Variants in CHN2 observed in about 807,000 individuals in gnomAD.
CHN2 encodes chimerin 2, also known as beta-chimaerin.
CHN2 carries 35 observed loss-of-function variants against 56.3 expected under a neutral mutation model. The ratio of observed to expected loss-of-function variants is 0.62; its 90% CI spans 0.47 to 0.82. The LOEUF (loss-of-function observed/expected upper bound fraction) is 0.82. Ranked by LOEUF, CHN2 falls within the 40% of genes least tolerant of loss-of-function variation. CHN2 has a pLI of 0.00. For missense variants in CHN2, 491 were observed against 580.5 expected (o/e 0.85, Z 1.58); for synonymous variants, 210 against 212.8 (o/e 0.99, Z 0.12).
intron 2 of CHN2, among the ~76,000 whole-genome samples, chr7:29,355,975 G>T (rs1371780879): frequency 6.6e-6 from 1 of 151,520 alleles, no homozygotes; most frequent in Non-Finnish European, 1.5e-5. Flanking sequence ...TTAGAGATGG[G>T]TTTTGCCATG....
intron 2 of CHN2, among the ~76,000 whole-genome samples, chr7:29,185,147 T>C (rs1447402759): frequency 6.6e-6 from 1 of 152,206 alleles, no homozygotes; most frequent in Non-Finnish European, 1.5e-5. Flanking sequence ...ACATCACCTT[T>C]CAACCCCATC....
At chr7:29,225,144 A>G (rs1786090099) in intron 1 of CHN2, among the ~76,000 whole-genome samples, 2 of 152,222 alleles carry the variant, frequency 1.3e-5, no homozygotes, top group South Asian at 4.1e-4. Flanking sequence ...CAAACTCCTT[A>G]TAGATTTAAA....
exon 1 of CHN2, chr7:29,146,685 C>T (rs1792739112): frequency 6.4e-7 from 1 of 1,550,542 alleles, no homozygotes; most frequent in African/African-American, 1.4e-5. Flanking sequence ...CTGGAAGAAG[C>T]AAGCAGCCCC....
chr7:29,475,102 C>T (rs558088912), intron 6 of CHN2, among the ~76,000 whole-genome samples: 15 of 152,282 alleles, frequency 9.9e-5, no homozygotes, highest in Admixed American at 9.8e-4. Context: ...CCCTTTCCTC[C>T]TTGTCTATAT....
chr7:29,438,400 A>G (rs532302753), intron 6 of CHN2, among the ~76,000 whole-genome samples: 1 of 152,344 alleles, frequency 6.6e-6, no homozygotes, highest in East Asian at 1.9e-4. Context: ...TTTCTAGATC[A>G]CCAAATAACC....
chr7:29,316,721 ATT>A (rs5883202), intron 1 of CHN2, among the ~76,000 whole-genome samples: 2 of 150,358 alleles, frequency 1.3e-5, no homozygotes, highest in Non-Finnish European at 3.0e-5. Context: ...AAGATGTGTG[ATT>A]TTTTTTTTTC....
chr7:29,325,933 A>G (rs147631332), intron 1 of CHN2, among the ~76,000 whole-genome samples: 11 of 152,232 alleles, frequency 7.2e-5, no homozygotes, highest in African/African-American at 1.4e-4. Flanking sequence ...TTCTAAATAG[A>G]CTCTGAGACC....
At chr7:29,169,559 C>T (rs986866831) in intron 2 of CHN2, among the ~76,000 whole-genome samples, 3 of 152,138 alleles carry the variant, frequency 2.0e-5, no homozygotes, top group Non-Finnish European at 4.4e-5. Flanking sequence ...GATTAAGTAG[C>T]TGACGGTGTA....
At chr7:29,224,991 C>T (rs1296817848) in intron 1 of CHN2, among the ~76,000 whole-genome samples, 1 of 152,082 alleles carries the variant, frequency 6.6e-6, no homozygotes, top group African/African-American at 2.4e-5. Flanking sequence ...TTTATCTGGG[C>T]TTTGGAAGTA....
At chr7:29,490,845 G>A (rs1284888749) in intron 7 of CHN2, among the ~76,000 whole-genome samples, 1 of 152,064 alleles carries the variant, frequency 6.6e-6, no homozygotes, top group East Asian at 1.9e-4. Context: ...CTTAATTTGT[G>A]GTCAATTGAT....
intron 6 of CHN2, among the ~76,000 whole-genome samples, chr7:29,416,376 A>G (rs189437383): frequency 2.5e-3 from 378 of 152,354 alleles, no homozygotes; most frequent in Non-Finnish European, 4.3e-3. Flanking sequence ...AAGGATATTG[A>G]AATGGAAATG....
chr7:29,506,115 G>A (rs530313659), intron 10 of CHN2, among the ~76,000 whole-genome samples: 3 of 151,930 alleles, frequency 2.0e-5, no homozygotes, highest in South Asian at 2.1e-4. Flanking sequence ...ATTTCCTAAC[G>A]GTAAAACTAA....
chr7:29,238,143 G>C (rs910294492), intron 1 of CHN2, among the ~76,000 whole-genome samples: 2 of 147,944 alleles, frequency 1.4e-5, no homozygotes, highest in Admixed American at 6.9e-5. Context: ...TCAGCCTCCC[G>C]AGTAGCTGGG....
intron 1 of CHN2, among the ~76,000 whole-genome samples, chr7:29,300,225 G>A (rs1042375173): frequency 2.6e-5 from 4 of 152,208 alleles, no homozygotes; most frequent in Admixed American, 6.5e-5. Context: ...GCAATGGTAA[G>A]CAGAGTGTAG....
At chr7:29,377,011 T>C (rs1473847125) in intron 3 of CHN2, among the ~76,000 whole-genome samples, 1 of 152,072 alleles carries the variant, frequency 6.6e-6, no homozygotes, top group Admixed American at 6.6e-5. Context: ...CAGGTTTTTT[T>C]GTTTGCTTGT....
intron 2 of CHN2, 150 bp downstream of exon 2, chr7:29,354,813 C>A: frequency 1.5e-6 from 1 of 687,760 alleles, no homozygotes; most frequent in Non-Finnish European, 2.5e-6. Flanking sequence ...AAAGATTAGT[C>A]AGAGACGATT....
intron 1 of CHN2, among the ~76,000 whole-genome samples, chr7:29,211,246 A>ATT (rs573128905): frequency 2.4e-4 from 33 of 139,996 alleles, no homozygotes; most frequent in Non-Finnish European, 3.3e-4. Context: ...AATTTTTTGT[A>ATT]TTTTTTTTTT....
chr7:29,343,129 G>A (rs868016254), intron 1 of CHN2, among the ~76,000 whole-genome samples: 3 of 152,234 alleles, frequency 2.0e-5, no homozygotes, highest in South Asian at 2.1e-4. Context: ...GTCTGGGGAG[G>A]AGAGACAGGC....
At chr7:29,340,506 A>G (rs571462410) in intron 1 of CHN2, among the ~76,000 whole-genome samples, 1 of 152,174 alleles carries the variant, frequency 6.6e-6, no homozygotes, top group South Asian at 2.1e-4. Context: ...CAGGAAGGCT[A>G]TTAGCCATGT....
Sources: gnomAD v4.1 joint callset for allele counts (sites outside exome capture counted in the v4.1 genomes callset) on GRCh38, gnomAD v4.1.1 for gene constraint, MANE v1.5 for transcripts, NCBI Gene and HGNC (gene_info 2026-07-23, HGNC 2026-07-21) for gene names.